The following COL22A1 variants were observed in gnomAD, a reference collection of about 807,000 sequenced individuals.
COL22A1 encodes collagen type XXII alpha 1 chain, also known as collagen alpha-1(XXII) chain.
COL22A1 carries 221 observed loss-of-function variants against 248.9 expected under a neutral mutation model. The ratio of observed to expected loss-of-function variants is 0.89; its 90% confidence interval spans 0.80 to 0.99. COL22A1 has a LOEUF of 0.99. Ranked by LOEUF, COL22A1 falls within the 50% of genes least tolerant of loss-of-function variation. The pLI, the probability that COL22A1 is intolerant of heterozygous loss-of-function variation, is 0.00. For missense variants in COL22A1, 2,240 were observed against 2,179.0 expected (o/e 1.03, Z -0.56); for synonymous variants, 891 against 793.4 (o/e 1.12, Z -2.07).
intron 37 of COL22A1, among the ~76,000 whole-genome samples, chr8:138,687,721 C>G (rs7813511): frequency 0.32 from 47,975 of 152,170 alleles, 7,713 homozygotes; most frequent in South Asian, 0.4. Flanking sequence ...GCGGCATCAC[C>G]CTCATTTTAC....
rs566359922 is a variant in COL22A1 at position 138,593,326 on chromosome 8, T to C, written c.4615+691A>G. Among the ~76,000 whole-genome samples, 187 of 152,262 alleles carry C rather than the reference T, an allele frequency of 1.2e-3. 1 individual carries two copies. The highest frequency in any genetic ancestry group is 2.1e-3 in the Non-Finnish European group (140 of 68,020). On this transcript the variant is annotated intron_variant, in intron 63 of 64. Transcript: ENST00000303045. Reference sequence around the variant, plus strand: ...GTGCAGCAAACCACCATGGCACATATATACCTATGTATCAAACCTGCACGT... The same window carrying C: ...GTGCAGCAAACCACCATGGCACATACATACCTATGTATCAAACCTGCACGT...
At chr8:138,773,579 C>T (rs961685084) in intron 16 of COL22A1, among the ~76,000 whole-genome samples, 1 of 152,216 alleles carries the variant, frequency 6.6e-6, no homozygotes, top group African/African-American at 2.4e-5. Context: ...TGCCCCAGCT[C>T]GACAGTAAAG....
intron 1 of COL22A1, among the ~76,000 whole-genome samples, chr8:138,901,854 C>T (rs1814598125): frequency 1.3e-5 from 2 of 151,976 alleles, no homozygotes; most frequent in South Asian, 4.2e-4. Flanking sequence ...CTGCTTGGAC[C>T]TATGTGAATG....
intron 3 of COL22A1, among the ~76,000 whole-genome samples, chr8:138,862,526 C>A (rs566302268): frequency 9.0e-6 from 1 of 111,328 alleles, no homozygotes; most frequent in Admixed American, 1.0e-4. Context: ...TGAGCAGAAC[C>A]CTTCTTCCTT....
rs1405632045 is a variant in COL22A1, at chr8:138,914,034, G to A, written c.-488C>T. The A allele has an allele frequency of 6.6e-6, 1 of 152,454 alleles. No individual in the cohort carries two copies. Among genetic ancestry groups the A allele is most frequent in the South Asian group, 2.1e-4 (1 of 4,834 alleles). The allele number at this position is 152,454 out of a possible 1,614,324, so 9.4% of individuals were successfully genotyped here. On this transcript the variant is annotated 5_prime_UTR_variant, in exon 1 of 65. Transcript: ENST00000303045. ...CAAAGCTGTCTGGAGCCTCCCCAGG[G>A]GCAAGCTGGCCTCAGCGCTGGGATT...
chr8:138,832,430 T>C (rs1487328481), intron 5 of COL22A1, among the ~76,000 whole-genome samples: 1 of 152,168 alleles, frequency 6.6e-6, no homozygotes, highest in African/African-American at 2.4e-5. Context: ...ATAAGAAGAA[T>C]AGAGCATTCA....
At position 138,884,318 on chromosome 8, in the gene COL22A1, G is replaced by A. The variant is rs147625849; in HGVS notation, c.-72-1074C>T. ...GGACTGCTTGATCCCTGGAGGCTGAGGCCAGGCCAACTTCACTGGGCATGG... is the reference window on the plus strand; with the variant it reads ...GGACTGCTTGATCCCTGGAGGCTGAAGCCAGGCCAACTTCACTGGGCATGG... On this transcript the variant is annotated intron_variant, in intron 1 of 64. Coordinates refer to ENST00000303045, the MANE Select transcript of COL22A1 (RefSeq NM_152888.3). Among the ~76,000 whole-genome samples, 930 of 152,284 alleles carry A rather than the reference G, an allele frequency of 6.1e-3. 10 individuals are homozygous for A. Among genetic ancestry groups the A allele is most frequent in the African/African-American group, 0.021 (868 of 41,552 alleles).
At chr8:138,595,105 G>A (rs1817413312) in intron 62 of COL22A1, among the ~76,000 whole-genome samples, 1 of 152,180 alleles carries the variant, frequency 6.6e-6, no homozygotes, top group Non-Finnish European at 1.5e-5. Flanking sequence ...ACCAGAGGCT[G>A]GGAGGCTACC....
At chr8:138,687,132 T>G (rs1008471209) in intron 37 of COL22A1, among the ~76,000 whole-genome samples, 2 of 152,158 alleles carry the variant, frequency 1.3e-5, no homozygotes, top group African/African-American at 4.8e-5. Context: ...AATTTTTGTA[T>G]TTTTAGTAGA....
At chr8:138,617,057 C>T (rs533255400) in intron 53 of COL22A1, 99 bp from the exon 54 acceptor site, 140 of 1,270,058 alleles carry the variant, frequency 1.1e-4, no homozygotes, top group East Asian at 1.6e-4. Context: ...ACGTTGCCCC[C>T]GCTCATTCTT....
chr8:138,660,365 A>T, intron 44 of COL22A1, 71 bp downstream of exon 44: 1 of 1,337,728 alleles, frequency 7.5e-7, no homozygotes, highest in Non-Finnish European at 1.1e-6. Flanking sequence ...GAACTTTCTG[A>T]GTTGCATTTT....
intron 11 of COL22A1, among the ~76,000 whole-genome samples, chr8:138,798,794 T>C (rs1417021689): frequency 2.0e-5 from 3 of 152,212 alleles, no homozygotes; most frequent in African/African-American, 4.8e-5. Context: ...TTGGCATTTT[T>C]ACTATAATGT....
rs1391133432 is a variant in COL22A1, at chr8:138,826,761, A to T, written c.866T>A (p.Leu289Ter). Residue 289 changes from leucine (L) to a stop codon, truncating the protein, a stop_gained, in exon 6 of 65, where the codon TTA (leucine) becomes TAA (stop). Coordinates refer to ENST00000303045, the MANE Select transcript of COL22A1 (RefSeq NM_152888.3). LOFTEE classifies it high-confidence loss of function. ...TGTGACAAAGGCGTACTCATCAGGT[A>T]AACCTTGGGGGAACACATCCCTGGA... is the stretch of plus-strand genomic sequence containing the variant. Reference protein sequence around the residue: ...QSTEDVFPQGLPDEYAFVTTF... With the variant: ...QSTEDVFPQG 1.2e-6 allele frequency: 2 copies of T among 1,614,040 alleles called. No individual in the cohort carries two copies. The highest frequency in any genetic ancestry group is 1.7e-6 in the Non-Finnish European group (2 of 1,180,018).
chr8:138,877,652 C>T, intron 3 of COL22A1, 98 bp downstream of exon 3: 2 of 1,262,176 alleles, frequency 1.6e-6, no homozygotes, highest in Non-Finnish European at 2.2e-6. Flanking sequence ...CTTCCTGGAG[C>T]CGGCCGTAGG....
At chr8:138,711,902 A>G (rs1285613728) in intron 30 of COL22A1, among the ~76,000 whole-genome samples, 2 of 152,190 alleles carry the variant, frequency 1.3e-5, no homozygotes, top group Non-Finnish European at 2.9e-5. Flanking sequence ...AGGACTTTCT[A>G]TGTGCACTGG....
chr8:138,886,947 T>C (rs1252914462), intron 1 of COL22A1, among the ~76,000 whole-genome samples: 3 of 152,138 alleles, frequency 2.0e-5, no homozygotes, highest in South Asian at 2.1e-4. Context: ...AGTGGGTGTA[T>C]GTATTTATGG....
intron 62 of COL22A1, among the ~76,000 whole-genome samples, chr8:138,594,653 G>T (rs1414460698): frequency 6.6e-6 from 1 of 152,206 alleles, no homozygotes; most frequent in Non-Finnish European, 1.5e-5. Context: ...GTGAGATGAT[G>T]CATGTGGAAT....
At chr8:138,634,638 C>T (rs571171670) in intron 49 of COL22A1, among the ~76,000 whole-genome samples, 15 of 152,126 alleles carry the variant, frequency 9.9e-5, no homozygotes, top group Non-Finnish European at 1.5e-4. Flanking sequence ...ACAGGCTCCC[C>T]ATAACATGGG....
chr8:138,843,118 T>A (rs1586871229), intron 4 of COL22A1, among the ~76,000 whole-genome samples: 1 of 151,862 alleles, frequency 6.6e-6, no homozygotes, highest in South Asian at 2.1e-4. Context: ...TCCTGGGGGG[T>A]GCTCACTCCC....
Sources: allele counts gnomAD v4.1 joint callset (sites outside exome capture counted in the v4.1 genomes callset), GRCh38; gene constraint gnomAD v4.1.1; transcripts MANE v1.5; gene names NCBI Gene and HGNC (gene_info 2026-07-23, HGNC 2026-07-21).